FAM76B: variants seen among roughly 807,000 people sequenced by gnomAD.
The protein encoded by FAM76B is family with sequence similarity 76 member B.
Under a neutral mutation model 51.8 loss-of-function variants are expected in FAM76B, and 16 were observed. The observed-to-expected ratio is 0.31, with a 90% confidence interval of 0.21 to 0.47. The LOEUF is 0.47. Ranked by LOEUF, FAM76B falls within the 20% of genes least tolerant of loss-of-function variation. The pLI is 1.00. For missense variants in FAM76B, 342 were observed against 392.6 expected, an observed-to-expected ratio of 0.87 and a Z score of 1.09; for synonymous variants, 166 against 129.5, an observed-to-expected ratio of 1.28 and a Z score of -1.91.
intron 5 of FAM76B, among the ~76,000 whole-genome samples, chr11:95,781,737 T>C (rs1283782247): frequency 1.3e-5 from 2 of 152,146 alleles, no homozygotes; most frequent in Non-Finnish European, 2.9e-5. Context: ...CTTCTTGAAA[T>C]ACTCTGATAT....
intron 2 of FAM76B, among the ~76,000 whole-genome samples, chr11:95,787,959 A>ACTTGACACTATTACTG (rs1393314629): frequency 1.3e-5 from 2 of 152,254 alleles, no homozygotes; most frequent in Non-Finnish European, 2.9e-5. Flanking sequence ...ATTACTGCAC[A>ACTTGACACTATTACTG]GCATTACAAT....
In FAM76B at chr11:95,770,993, C is replaced by T. The variant is rs963389899; in HGVS notation, c.*568G>A. On this transcript the variant is annotated 3_prime_UTR_variant, in exon 10 of 10. Transcript: ENST00000358780. Reference sequence around the variant, plus strand: ...TACCAATAATGAAAATGCTAGGTTACTAATGTTAATGATGTAACTTTAAAA... The same window carrying T: ...TACCAATAATGAAAATGCTAGGTTATTAATGTTAATGATGTAACTTTAAAA... 3 of 151,610 alleles carry T rather than the reference C, an allele frequency of 2.0e-5. No homozygotes were observed. The South Asian group carries it at 6.2e-4, about 31-fold the overall frequency. The allele number at this position is 151,610 out of a possible 1,614,324, so 9.4% of individuals were successfully genotyped here. A position where few individuals can be genotyped will look rare whatever the true frequency, so the allele number is the denominator to read the frequency against.
In FAM76B at chr11:95,771,480, C is replaced by T; in HGVS notation, c.*81G>A. The T allele has an allele frequency of 9.3e-7, 1 of 1,075,168 alleles. No individual in the cohort carries two copies. The highest frequency in any genetic ancestry group is 2.5e-5 in the East Asian group (1 of 39,434). The allele number at this position is 1,075,168 out of a possible 1,614,324, so 66.6% of individuals were successfully genotyped here. ...TTTGGTGTGCAAAAATATTTTTCTA[C>T]TACACAGAATTTAAGGGCTTCACAG... On this transcript the variant is annotated 3_prime_UTR_variant, in exon 10 of 10. Transcript: ENST00000358780.
intron 8 of FAM76B, among the ~76,000 whole-genome samples, chr11:95,776,757 T>C (rs1051807807): frequency 8.6e-5 from 13 of 151,386 alleles, no homozygotes; most frequent in African/African-American, 1.7e-4. Context: ...TAAGTTATTA[T>C]GTAATTTCAC....
At chr11:95,785,905 T>C (rs974576128) in intron 4 of FAM76B, among the ~76,000 whole-genome samples, 6 of 152,198 alleles carry the variant, frequency 3.9e-5, no homozygotes, top group Admixed American at 2.6e-4. Context: ...TAGTACAGAA[T>C]AGCCACCATA....
intron 5 of FAM76B, among the ~76,000 whole-genome samples, chr11:95,782,494 G>A (rs949355954): frequency 6.6e-6 from 1 of 151,862 alleles, no homozygotes; most frequent in East Asian, 1.9e-4. Flanking sequence ...CATACTGAGG[G>A]AAAACTACAG....
At position 95,786,103 on chromosome 11, in the gene FAM76B, C is replaced by G. The variant is rs760701198; in HGVS notation, c.363+16G>C. The G allele has an allele frequency of 1.1e-5, 17 of 1,589,028 alleles. No homozygotes were observed. Among genetic ancestry groups the G allele is most frequent in the Non-Finnish European group, 1.5e-5 (17 of 1,165,956 alleles). On this transcript the variant is annotated intron_variant, in intron 4 of 9. Transcript: ENST00000358780. ...ATTTAATTTCCAGAAGATGTCATAA[C>G]ATAAATAAAGCATACCTTTCTTCTT...
At chr11:95,782,279 C>G (rs1465798414) in intron 5 of FAM76B, among the ~76,000 whole-genome samples, 1 of 152,058 alleles carries the variant, frequency 6.6e-6, no homozygotes, top group Non-Finnish European at 1.5e-5. Context: ...TTGAACAACC[C>G]AGGTTTGAAA....
At chr11:95,773,754 C>T (rs999592620) in intron 9 of FAM76B, among the ~76,000 whole-genome samples, 26 of 151,280 alleles carry the variant, frequency 1.7e-4, no homozygotes, top group Non-Finnish European at 3.0e-4. Context: ...GTCCCTTTTC[C>T]TTTTAACCAC....
At chr11:95,773,088 T>G (rs1859841295) in intron 9 of FAM76B, among the ~76,000 whole-genome samples, 1 of 150,618 alleles carries the variant, frequency 6.6e-6, no homozygotes, top group Non-Finnish European at 1.5e-5. Flanking sequence ...ATGTTTATAC[T>G]GATACAAAAT....
At chr11:95,788,635 T>G in intron 1 of FAM76B, 72 bp from the exon 2 acceptor site, 2 of 1,456,760 alleles carry the variant, frequency 1.4e-6, no homozygotes, top group Non-Finnish European at 1.9e-6. Flanking sequence ...TAGAAAACTG[T>G]TTACCCAACC....
Position 95,770,988 on chromosome 11 carries a change from G to A in FAM76B, c.*573C>T, listed in dbSNP as rs1859741163. Reference sequence around the variant, plus strand: ...TCCTATACCAATAATGAAAATGCTAGGTTACTAATGTTAATGATGTAACTT... The same window carrying A: ...TCCTATACCAATAATGAAAATGCTAAGTTACTAATGTTAATGATGTAACTT... On this transcript the variant is annotated 3_prime_UTR_variant, in exon 10 of 10. Coordinates refer to ENST00000358780, the MANE Select transcript of FAM76B (RefSeq NM_144664.5). The A allele has an allele frequency of 6.7e-6, 1 of 150,050 alleles. No individual in the cohort carries two copies. The highest frequency in any genetic ancestry group is 2.4e-5 in the African/African-American group (1 of 40,954). The allele number at this position is 150,050 out of a possible 1,614,324, so 9.3% of individuals were successfully genotyped here.
chr11:95,782,306 TAGG>T (rs1182618424), intron 5 of FAM76B, among the ~76,000 whole-genome samples: 4 of 152,220 alleles, frequency 2.6e-5, no homozygotes, highest in African/African-American at 9.6e-5. Flanking sequence ...GGACCACCTA[TAGG>T]AGAATTTTTT....
intron 5 of FAM76B, among the ~76,000 whole-genome samples, chr11:95,782,379 T>C (rs1307155894): frequency 6.6e-6 from 1 of 152,012 alleles, no homozygotes; most frequent in Non-Finnish European, 1.5e-5. Context: ...CCTGCATATA[T>C]AGAAGGCCAA....
chr11:95,780,947 A>G (rs758182560), intron 5 of FAM76B, among the ~76,000 whole-genome samples: 5 of 152,128 alleles, frequency 3.3e-5, no homozygotes, highest in Admixed American at 6.6e-5. Context: ...AAGCAAAAGA[A>G]AAAAACAAAC....
chr11:95,774,733 G>T (rs1043737228), intron 9 of FAM76B, among the ~76,000 whole-genome samples: 2 of 151,218 alleles, frequency 1.3e-5, no homozygotes, highest in Non-Finnish European at 3.0e-5. Flanking sequence ...TATGATACGG[G>T]CAATCTCTCA....
chr11:95,788,550 G>A lies in FAM76B; in HGVS notation c.101C>T (p.Ala34Val), dbSNP rs757384529. Residue 34 changes from alanine (A) to valine (V), a missense_variant, in exon 2 of 10, where the codon GCA becomes GTA. Ala to Val is a moderately conservative substitution (Grantham distance 64). Coordinates refer to ENST00000358780, the MANE Select transcript of FAM76B (RefSeq NM_144664.5). ...GTAAGTACATTTTACAATAGGATGT[G>A]CAATCCGACATTCCTGTAATAAGAC... ...GQQLCKECRI[A>V]HPIVKCTYCR... 81 of 1,612,276 alleles carry A rather than the reference G, an allele frequency of 5.0e-5. No homozygotes were observed. Among genetic ancestry groups the A allele is most frequent in the Non-Finnish European group, 6.4e-5 (75 of 1,179,360 alleles).
rs777813835 is a variant in FAM76B, at chr11:95,788,545, G to A, written c.106C>T (p.Pro36Ser). ...QLCKECRIAH[P>S]IVKCTYCRSE... The stretch of plus-strand genomic sequence containing the variant: ...CTGCAGTAAGTACATTTTACAATAG[G>A]ATGTGCAATCCGACATTCCTGTAAT... Residue 36 changes from proline (P) to serine (S), a missense_variant, in exon 2 of 10, where the codon CCT becomes TCT. Physicochemically the swap from Pro to Ser is moderately conservative, Grantham distance 74. Transcript: ENST00000358780. The A allele has an allele frequency of 1.9e-6, 3 of 1,612,476 alleles. No homozygotes were observed. Among genetic ancestry groups the A allele is most frequent in the Non-Finnish European group, 2.5e-6 (3 of 1,179,466 alleles).
chr11:95,789,714 G>A lies in FAM76B; in HGVS notation c.-236C>T. 2 of 491,656 alleles carry A rather than the reference G, an allele frequency of 4.1e-6. No individual in the cohort carries two copies. Among genetic ancestry groups the A allele is most frequent in the Non-Finnish European group, 7.1e-6 (2 of 280,996 alleles). The allele number at this position is 491,656 out of a possible 1,614,324, so 30.5% of individuals were successfully genotyped here. On this transcript the variant is annotated 5_prime_UTR_variant, in exon 1 of 10. Coordinates refer to ENST00000358780, the MANE Select transcript of FAM76B (RefSeq NM_144664.5). ...ACGCCGTGCCAGCCGCTCCCGCTTAGGCCCCGATAGCGGCGGAGGGAGACG... is the reference window on the plus strand; with the variant it reads ...ACGCCGTGCCAGCCGCTCCCGCTTAAGCCCCGATAGCGGCGGAGGGAGACG...
Sources: allele counts gnomAD v4.1 joint callset (sites outside exome capture counted in the v4.1 genomes callset), GRCh38; gene constraint gnomAD v4.1.1; transcripts MANE v1.5; gene names NCBI Gene and HGNC (gene_info 2026-07-23, HGNC 2026-07-21).